The following EMP2 variants were observed in gnomAD, a reference collection of about 807,000 sequenced individuals.
EMP2 encodes the protein epithelial membrane protein 2.
EMP2 carries 19 observed loss-of-function variants against 13.7 expected under a neutral mutation model. The ratio of observed to expected loss-of-function variants is 1.38; its 90% confidence interval spans 0.97 to 2.03. The LOEUF is 2.03. EMP2 is among the 30% of genes most tolerant of loss of function. The probability of loss-of-function intolerance (pLI) is 0.00; values close to 1 mark genes in which losing one functional copy is unlikely to be tolerated. For missense variants in EMP2, 253 were observed against 220.7 expected (o/e 1.15, Z -0.93); for synonymous variants, 97 against 84.7 (o/e 1.15, Z -0.80).
chr16:10,544,042 G>C (rs9930796), intron 2 of EMP2: 98,757 of 232,238 alleles, frequency 0.43, 21,803 homozygotes, highest in East Asian at 0.66. Flanking sequence ...TTTTTGTAGA[G>C]TCAGTGTTTA....
At chr16:10,554,673 C>T (rs747865207) in intron 1 of EMP2, among the ~76,000 whole-genome samples, 19 of 152,164 alleles carry the variant, frequency 1.2e-4, no homozygotes, top group Non-Finnish European at 2.8e-4. Flanking sequence ...ACAGATCCAT[C>T]TCCTTCCCCC....
intron 1 of EMP2, among the ~76,000 whole-genome samples, chr16:10,552,064 C>A (rs1178549988): frequency 1.3e-5 from 2 of 151,870 alleles, no homozygotes; most frequent in African/African-American, 2.4e-5. Flanking sequence ...TTTGTTTAGG[C>A]CTGCGTCATT....
At chr16:10,533,146 G>GGCTAC in intron 4 of EMP2, 54 bp from the exon 5 acceptor site, 2 of 1,413,014 alleles carry the variant, frequency 1.4e-6, no homozygotes, top group Non-Finnish European at 1.9e-6. Context: ...GTGCACCCTG[G>GGCTAC]GTAGCCCAGG....
At position 10,528,513 on chromosome 16, in the gene EMP2, A is replaced by G. The variant is rs1412670063; in HGVS notation, c.*4392T>C. ...AAATCAGCTGACCCCCTGCCCCTCA[A>G]AATGGCAGCATTCTGCCCTAGATGT... On this transcript the variant is annotated 3_prime_UTR_variant, in exon 5 of 5. Coordinates refer to ENST00000359543, the MANE Select transcript of EMP2 (RefSeq NM_001424.6). 1 of 152,208 alleles carries G rather than the reference A, an allele frequency of 6.6e-6. No individual in the cohort carries two copies. Among genetic ancestry groups the G allele is most frequent in the African/African-American group, 2.4e-5 (1 of 41,448 alleles). The allele number at this position is 152,208 out of a possible 1,614,324, so 9.4% of individuals were successfully genotyped here.
chr16:10,537,998 G>A lies in EMP2; in HGVS notation c.246C>T (p.Phe82=), dbSNP rs375756110. The A allele has an allele frequency of 2.0e-5, 32 of 1,614,006 alleles. No individual in the cohort carries two copies. In the East Asian group the frequency reaches 2.2e-4, roughly 11 times the overall value. The change falls in exon 4 of 5, where the codon TTC becomes TTT. Residue 82 remains phenylalanine (F), a synonymous_variant. Transcript: ENST00000359543. ...TILCCIAFFI[F]VLQLFRLKQG... is the part of the protein sequence containing the mutation. The stretch of plus-strand genomic sequence containing the variant: ...GCTTCAGGCGGAAGAGCTGGAGCAC[G>A]AAGATGAAGAAGGCGATGCAGCAGA...
chr16:10,547,479 A>T, intron 2 of EMP2, 61 bp downstream of exon 2: 3 of 1,566,908 alleles, frequency 1.9e-6, no homozygotes, highest in Non-Finnish European at 2.6e-6. Flanking sequence ...GACCAATACA[A>T]CCCACTTCTA....
At position 10,530,251 on chromosome 16, in the gene EMP2, T is replaced by G. The variant is rs573389398; in HGVS notation, c.*2654A>C. 1.3e-5 allele frequency: 2 copies of G among 152,356 alleles called. No homozygotes were observed. The highest frequency in any genetic ancestry group is 4.1e-4 in the South Asian group (2 of 4,826). The allele number at this position is 152,356 out of a possible 1,614,324, so 9.4% of individuals were successfully genotyped here. On this transcript the variant is annotated 3_prime_UTR_variant, in exon 5 of 5. Transcript: ENST00000359543. Reference sequence around the variant, plus strand: ...GGATATCTGGATTTGCTCACCCCTGTATTTTCAGAGCCTCACACAGTGCCT... The same window carrying G: ...GGATATCTGGATTTGCTCACCCCTGGATTTTCAGAGCCTCACACAGTGCCT...
intron 1 of EMP2, among the ~76,000 whole-genome samples, chr16:10,550,286 A>T (rs560819095): frequency 6.6e-6 from 1 of 152,316 alleles, no homozygotes; most frequent in East Asian, 1.9e-4. Flanking sequence ...AAATTTCCCC[A>T]ATTAACCCAA....
chr16:10,575,013 G>A (rs2050972529), intron 1 of EMP2, among the ~76,000 whole-genome samples: 1 of 152,094 alleles, frequency 6.6e-6, no homozygotes, highest in South Asian at 2.1e-4. Context: ...AGCCTCCTGA[G>A]TAGCTGGGAA....
At chr16:10,561,804 G>A (rs2050873174) in intron 1 of EMP2, among the ~76,000 whole-genome samples, 1 of 152,120 alleles carries the variant, frequency 6.6e-6, no homozygotes, top group African/African-American at 2.4e-5. Context: ...AATATGTGTT[G>A]AATGAATGAC....
chr16:10,547,775 C>T, intron 1 of EMP2, 98 bp from the exon 2 acceptor site: 1 of 677,254 alleles, frequency 1.5e-6, no homozygotes, highest in East Asian at 2.9e-5. Flanking sequence ...GTGGCTCATG[C>T]CTATAATCCT....
chr16:10,576,302 A>T (rs1336277111), intron 1 of EMP2, among the ~76,000 whole-genome samples: 2 of 152,142 alleles, frequency 1.3e-5, no homozygotes, highest in Non-Finnish European at 2.9e-5. Flanking sequence ...CAACAAAAAA[A>T]CTTTGGTTCT....
intron 4 of EMP2, among the ~76,000 whole-genome samples, chr16:10,536,111 A>G (rs919786090): frequency 1.3e-5 from 2 of 152,172 alleles, no homozygotes; most frequent in Non-Finnish European, 2.9e-5. Context: ...CTGTACCTAG[A>G]AGGGGTGGTA....
intron 1 of EMP2, among the ~76,000 whole-genome samples, chr16:10,551,510 G>A (rs952589545): frequency 2.0e-5 from 3 of 152,118 alleles, no homozygotes; most frequent in African/African-American, 4.8e-5. Flanking sequence ...GGGTTCAAGC[G>A]ATTCTCCTGC....
chr16:10,574,673 TC>T (rs1361221704), intron 1 of EMP2, among the ~76,000 whole-genome samples: 1 of 152,116 alleles, frequency 6.6e-6, no homozygotes, highest in Non-Finnish European at 1.5e-5. Context: ...TGCCTCAGCC[TC>T]CCAAGTAGCT....
At chr16:10,534,846 C>T (rs1177795945) in intron 4 of EMP2, among the ~76,000 whole-genome samples, 1 of 152,174 alleles carries the variant, frequency 6.6e-6, no homozygotes, top group Non-Finnish European at 1.5e-5. Context: ...TGTGGTTTTC[C>T]TTGGGGGACC....
intron 1 of EMP2, among the ~76,000 whole-genome samples, chr16:10,563,666 G>A (rs2050887927): frequency 6.6e-6 from 1 of 152,206 alleles, no homozygotes; most frequent in East Asian, 1.9e-4. Flanking sequence ...AGGGGTCACA[G>A]GGTAGAAGAT....
rs111364972 is a variant in EMP2 at position 10,531,748 on chromosome 16, GATGAATGA to G, written c.*1149_*1156del. ...ATGCATGCAAGTTATGATTTATGTTGATGAATGAATGAATGAATGAATGAATGAATGAA... is the reference window on the plus strand; with the variant it reads ...ATGCATGCAAGTTATGATTTATGTTGATGAATGAATGAATGAATGAATGAA... On this transcript the variant is annotated 3_prime_UTR_variant, in exon 5 of 5. Transcript: ENST00000359543. The G allele has an allele frequency of 0.58, 87,940 of 151,750 alleles. 25,646 individuals carry two copies. Among genetic ancestry groups the G allele is most frequent in the East Asian group, 0.65 (3,274 of 5,046 alleles). 9.4% of individuals were successfully genotyped at this position (151,750 alleles called of 1,614,324 possible). A position where few individuals can be genotyped will look rare whatever the true frequency, so the allele number is the denominator to read the frequency against.
intron 4 of EMP2, among the ~76,000 whole-genome samples, chr16:10,537,096 A>G (rs1010159357): frequency 2.0e-5 from 3 of 152,226 alleles, no homozygotes; most frequent in Non-Finnish European, 4.4e-5. Flanking sequence ...GTTGGCTCCC[A>G]CACCCAGATT....
Sources: allele counts gnomAD v4.1 joint callset (sites outside exome capture counted in the v4.1 genomes callset), GRCh38; gene constraint gnomAD v4.1.1; transcripts MANE v1.5; gene names NCBI Gene and HGNC (gene_info 2026-07-23, HGNC 2026-07-21).